The following NPC1 variants were observed in gnomAD, a reference collection of about 807,000 sequenced individuals.
NPC1 encodes the protein NPC intracellular cholesterol transporter 1.
A neutral mutation model predicts 140.4 loss-of-function variants in NPC1; 85 were observed. The observed-to-expected ratio is 0.61, with a 90% CI of 0.51 to 0.72. The LOEUF is 0.72. Among genes scored for constraint, NPC1 ranks in the 30% least tolerant of loss-of-function variants. The pLI is 0.00. For missense variants in NPC1, 1,504 were observed against 1,623.8 expected (o/e 0.93, Z 1.27); for synonymous variants, 656 against 624.8 (o/e 1.05, Z -0.74).
intron 1 of NPC1, among the ~76,000 whole-genome samples, chr18:23,575,796 A>AAAAAAAG (rs2059268490): frequency 2.7e-5 from 4 of 146,044 alleles, no homozygotes; most frequent in Admixed American, 6.8e-5. Context: ...AAAAAAAAAA[A>AAAAAAAG]GTCATCCTGG....
At chr18:23,576,539 C>T (rs868354561) in intron 1 of NPC1, 13 of 1,007,564 alleles carry the variant, frequency 1.3e-5, no homozygotes, top group Middle Eastern at 4.8e-4. Context: ...ACATTGTGTC[C>T]GGAATTGGTG....
chr18:23,586,391 G>A lies in NPC1; in HGVS notation c.-48C>T. On this transcript the variant is annotated 5_prime_UTR_variant, in exon 1 of 25. Transcript: ENST00000269228. The stretch of plus-strand genomic sequence containing the variant: ...GACGCCGGCGGCGTTCGGCTGGTTG[G>A]GCTCCCCGGAGGCGGCTCTACTTCC... 6.5e-7 allele frequency: 1 copy of A among 1,529,990 alleles called. No homozygotes were observed. The highest frequency in any genetic ancestry group is 8.7e-7 in the Non-Finnish European group (1 of 1,144,652). 94.8% of individuals were successfully genotyped at this position (1,529,990 alleles called of 1,614,324 possible).
chr18:23,517,119 C>T (rs1465486492), intron 3 of NPC1, among the ~76,000 whole-genome samples: 2 of 151,498 alleles, frequency 1.3e-5, no homozygotes, highest in African/African-American at 2.4e-5. Context: ...AACTAAATTA[C>T]GTATATATAG....
At chr18:23,517,764 C>T (rs923005394), downstream of NPC1, among the ~76,000 whole-genome samples, 1 of 151,988 alleles carries the variant, frequency 6.6e-6, no homozygotes, top group African/African-American at 2.4e-5. Context: ...GTTGCCCAGG[C>T]TGGAGTGCAG....
At chr18:23,566,573 G>A (rs2059127450) in intron 4 of NPC1, among the ~76,000 whole-genome samples, 2 of 103,440 alleles carry the variant, frequency 1.9e-5, no homozygotes, top group Admixed American at 1.0e-4. Flanking sequence ...AGTGAGGCCC[G>A]TCTCTTCCAA....
intron 11 of NPC1, among the ~76,000 whole-genome samples, chr18:23,546,385 C>T (rs1442922614): frequency 2.0e-5 from 3 of 151,688 alleles, no homozygotes; most frequent in Non-Finnish European, 2.9e-5. Context: ...GACGAGGATG[C>T]GAACGAATTG....
chr18:23,518,929 T>A, downstream of NPC1: 1 of 1,614,212 alleles, frequency 6.2e-7, no homozygotes, highest in Non-Finnish European at 8.5e-7. Flanking sequence ...GGCATCATTC[T>A]CGGACCTCCA....
Position 23,535,559 on chromosome 18 carries a change from G to A in NPC1, c.3387C>T (p.Ala1129=), listed in dbSNP as rs746670383. ...TGTTGACCAAGACCATGGCGATGGT[G>A]GCACACATGATGACTGCAGACCAGA... ...CELWSAVIMC[A]TIAMVLVNMF... Residue 1129 remains alanine, a synonymous_variant, in exon 22 of 25, where the codon GCC becomes GCT. Transcript: ENST00000269228. 2 of 1,614,068 alleles carry A rather than the reference G, an allele frequency of 1.2e-6. No individual in the cohort carries two copies. Among genetic ancestry groups the A allele is most frequent in the African/African-American group, 2.7e-5 (2 of 75,002 alleles).
chr18:23,523,435 G>A (rs1263761399), intron 1 of NPC1, among the ~76,000 whole-genome samples: 1 of 147,128 alleles, frequency 6.8e-6, no homozygotes, highest in African/African-American at 2.5e-5. Flanking sequence ...AAGTGGCTGG[G>A]CACAGTGGCT....
chr18:23,526,441 T>C (rs1382471598), downstream of NPC1, among the ~76,000 whole-genome samples: 6 of 152,154 alleles, frequency 3.9e-5, no homozygotes, highest in Non-Finnish European at 8.8e-5. Flanking sequence ...GTCATCCTCC[T>C]GTGGTAGACA....
downstream of NPC1, chr18:23,527,811 C>T (rs1203161140): frequency 6.2e-7 from 1 of 1,614,008 alleles, no homozygotes; most frequent in Non-Finnish European, 8.5e-7. Context: ...GTGAGTCAGA[C>T]AGAGCATCGC....
At chr18:23,545,361 G>A (rs2058774731) in intron 11 of NPC1, among the ~76,000 whole-genome samples, 1 of 152,160 alleles carries the variant, frequency 6.6e-6, no homozygotes, top group Non-Finnish European at 1.5e-5. Flanking sequence ...TCCTGCCCCA[G>A]CCTCCTGAGT....
At chr18:23,585,974 G>A (rs549493024) in intron 1 of NPC1, among the ~76,000 whole-genome samples, 77 of 152,316 alleles carry the variant, frequency 5.1e-4, no homozygotes, top group Non-Finnish European at 9.4e-4. Context: ...AAAGCAAGTA[G>A]TGTCCCTATC....
In NPC1 at chr18:23,586,474, C is replaced by A. The variant is rs1288173969; in HGVS notation, c.-131G>T. ...CGGAGGAGCAGGAGCAGGCGCTGAC[C>A]GCGGCAGCAGGCTGCGCGCGCCGGT... is the stretch of plus-strand genomic sequence containing the variant. On this transcript the variant is annotated 5_prime_UTR_variant, in exon 1 of 25. Coordinates refer to ENST00000269228, the MANE Select transcript of NPC1 (RefSeq NM_000271.5). 14 of 1,452,374 alleles carry A rather than the reference C, an allele frequency of 9.6e-6. No individual in the cohort carries two copies. Among genetic ancestry groups the A allele is most frequent in the South Asian group, 1.4e-5 (1 of 71,536 alleles). 90.0% of individuals were successfully genotyped at this position (1,452,374 alleles called of 1,614,324 possible).
chr18:23,569,516 G>C (rs966973689), intron 3 of NPC1, among the ~76,000 whole-genome samples: 2 of 152,080 alleles, frequency 1.3e-5, no homozygotes, highest in African/African-American at 4.8e-5. Flanking sequence ...GTAGAGATGT[G>C]GGTCTGTGTT....
rs538432344 is a variant in NPC1, at chr18:23,509,535, A to T, written c.432-2893T>A. On this transcript the variant is annotated intron_variant, in intron 3 of 3. Transcript: ENST00000591107. ...CAGGCATGTACCACCATGCCTGGCT[A>T]ATTTTTCTTTTTATTATTTTATTTT... 7.3e-5 allele frequency: 15 copies of T among 206,854 alleles called. No homozygotes were observed. The South Asian group carries it at 2.8e-3, about 39-fold the overall frequency. 12.8% of individuals were successfully genotyped at this position (206,854 alleles called of 1,614,324 possible).
chr18:23,509,232 T>G, intron 3 of NPC1: 11 of 1,468,312 alleles, frequency 7.5e-6, no homozygotes, highest in Non-Finnish European at 9.9e-6. Flanking sequence ...CTGGACTAGT[T>G]CAACTGAAAT....
At chr18:23,555,777 G>A (rs1190074882) in intron 8 of NPC1, among the ~76,000 whole-genome samples, 1 of 152,148 alleles carries the variant, frequency 6.6e-6, no homozygotes. Context: ...TGAGTGATAA[G>A]TTCATTCCTA....
intron 18 of NPC1, 155 bp downstream of exon 18, chr18:23,539,656 G>T (rs2058684002): frequency 1.5e-5 from 14 of 922,578 alleles, no homozygotes; most frequent in Non-Finnish European, 2.2e-5. Flanking sequence ...CCTTTCAAAG[G>T]TTTTTTAAGG....
Sources: gnomAD v4.1 joint callset for allele counts (sites outside exome capture counted in the v4.1 genomes callset) on GRCh38, gnomAD v4.1.1 for gene constraint, MANE v1.5 for transcripts, NCBI Gene and HGNC (gene_info 2026-07-23, HGNC 2026-07-21) for gene names.